Variants in CMTM8 observed in about 807,000 individuals in gnomAD.
The protein encoded by CMTM8 is CKLF-like MARVEL transmembrane domain-containing protein 8.
In CMTM8, 12 loss-of-function variants were observed where a neutral mutation model predicts 18.6. The ratio of observed to expected loss-of-function variants is 0.65; its 90% CI spans 0.41 to 1.05. CMTM8 has a LOEUF of 1.05. Ranked by LOEUF, CMTM8 falls within the 50% of genes least tolerant of loss-of-function variation. CMTM8 has a pLI of 0.00. For synonymous variants in CMTM8, 87 were observed against 90.6 expected (o/e 0.96, Z 0.23); for missense variants, 217 against 227.2 (o/e 0.95, Z 0.29).
intron 3 of CMTM8, among the ~76,000 whole-genome samples, chr3:32,368,898 G>A (rs1183885866): frequency 6.6e-6 from 1 of 152,154 alleles, no homozygotes; most frequent in African/African-American, 2.4e-5. Flanking sequence ...GAAGCCTATC[G>A]GGGGAAGGAG....
chr3:32,259,426 CT>C, intron 1 of CMTM8: 1 of 847,518 alleles, frequency 1.2e-6, no homozygotes, highest in Non-Finnish European at 2.1e-6. Context: ...CTGCTGATGA[CT>C]TTAGAGTCAA....
At chr3:32,304,285 A>G (rs1228426725) in intron 1 of CMTM8, among the ~76,000 whole-genome samples, 1 of 152,206 alleles carries the variant, frequency 6.6e-6, no homozygotes, top group Non-Finnish European at 1.5e-5. Context: ...CAGGGGGCTG[A>G]AAATGGGTGT....
intron 1 of CMTM8, among the ~76,000 whole-genome samples, chr3:32,307,390 G>A (rs1695735026): frequency 6.6e-6 from 1 of 152,178 alleles, no homozygotes; most frequent in Admixed American, 6.6e-5. Context: ...CTGACTGGAT[G>A]AGGGAAAAGC....
chr3:32,343,857 G>A (rs56324423), intron 1 of CMTM8, among the ~76,000 whole-genome samples: 6,841 of 152,218 alleles, frequency 0.045, 191 homozygotes, highest in Middle Eastern at 0.1. Context: ...GTGCCACCAC[G>A]CCTGGCTAAT....
intron 1 of CMTM8, among the ~76,000 whole-genome samples, chr3:32,313,324 A>G (rs920495720): frequency 3.9e-5 from 6 of 152,052 alleles, no homozygotes; most frequent in Admixed American, 2.6e-4. Flanking sequence ...ATTTCATGCT[A>G]TTTGCAGCAG....
At chr3:32,318,055 C>CAA (rs60403582) in intron 1 of CMTM8, among the ~76,000 whole-genome samples, 166 of 85,352 alleles carry the variant, frequency 1.9e-3, no homozygotes, top group East Asian at 3.4e-3. Flanking sequence ...AACTCTGTCT[C>CAA]AAAAAAAAAA....
chr3:32,258,577 AC>A (rs746600980), intron 1 of CMTM8, among the ~76,000 whole-genome samples: 1 of 152,000 alleles, frequency 6.6e-6, no homozygotes, highest in Non-Finnish European at 1.5e-5. Flanking sequence ...TGGCATGATC[AC>A]AGTTCACTAA....
intron 1 of CMTM8, among the ~76,000 whole-genome samples, chr3:32,315,067 A>G (rs1423730273): frequency 1.3e-5 from 2 of 151,738 alleles, no homozygotes; most frequent in Non-Finnish European, 2.9e-5. Context: ...GTGGTGAACT[A>G]AGTGCTGTGG....
At chr3:32,248,172 A>G (rs1264910469) in intron 1 of CMTM8, among the ~76,000 whole-genome samples, 1 of 152,242 alleles carries the variant, frequency 6.6e-6, no homozygotes, top group African/African-American at 2.4e-5. Flanking sequence ...GGTGCAGCTT[A>G]TAATGGATGC....
At chr3:32,280,327 C>A (rs765625196) in intron 1 of CMTM8, among the ~76,000 whole-genome samples, 21 of 152,156 alleles carry the variant, frequency 1.4e-4, no homozygotes, top group Non-Finnish European at 2.5e-4. Flanking sequence ...CACCCCCACC[C>A]ACTTTTTCTT....
At chr3:32,291,592 A>G (rs1469204141) in intron 1 of CMTM8, among the ~76,000 whole-genome samples, 12 of 152,244 alleles carry the variant, frequency 7.9e-5, no homozygotes, top group Admixed American at 7.2e-4. Flanking sequence ...ATAGCTAGAA[A>G]GTGAAGCAGG....
intron 1 of CMTM8, among the ~76,000 whole-genome samples, chr3:32,317,891 T>A (rs1002279756): frequency 1.3e-5 from 2 of 151,742 alleles, no homozygotes; most frequent in African/African-American, 4.8e-5. Flanking sequence ...CCGTCTCTAT[T>A]AAAAATATAA....
chr3:32,304,435 T>G (rs1204730605), intron 1 of CMTM8, among the ~76,000 whole-genome samples: 1 of 152,214 alleles, frequency 6.6e-6, no homozygotes, highest in Non-Finnish European at 1.5e-5. Flanking sequence ...ATAAAGGAAA[T>G]GTATTCCAGC....
intron 1 of CMTM8, among the ~76,000 whole-genome samples, chr3:32,313,868 T>C (rs1424111108): frequency 6.6e-6 from 1 of 152,032 alleles, no homozygotes; most frequent in Non-Finnish European, 1.5e-5. Flanking sequence ...CGTGGACACA[T>C]AGAAGGGTGA....
intron 1 of CMTM8, chr3:32,259,940 A>T: frequency 8.7e-7 from 1 of 1,145,936 alleles, no homozygotes. Context: ...CACCCTGCAG[A>T]TAGAGCAGCT....
chr3:32,240,279 A>C (rs947254916), intron 1 of CMTM8, among the ~76,000 whole-genome samples: 1 of 152,190 alleles, frequency 6.6e-6, no homozygotes, highest in African/African-American at 2.4e-5. Context: ...GTCATAATGC[A>C]CATAAGGTAT....
intron 1 of CMTM8, among the ~76,000 whole-genome samples, chr3:32,304,219 C>T (rs1287256390): frequency 6.6e-6 from 1 of 152,184 alleles, no homozygotes; most frequent in Non-Finnish European, 1.5e-5. Context: ...GTTACAGTAG[C>T]ATCTGCCAGG....
chr3:32,314,313 A>C (rs1407842609), intron 1 of CMTM8, among the ~76,000 whole-genome samples: 1 of 151,982 alleles, frequency 6.6e-6, no homozygotes, highest in Non-Finnish European at 1.5e-5. Context: ...GGGGTACCAG[A>C]GGATTTGCTG....
chr3:32,324,251 C>T (rs78214511), intron 1 of CMTM8, among the ~76,000 whole-genome samples: 27 of 151,530 alleles, frequency 1.8e-4, no homozygotes, highest in South Asian at 6.3e-4. Flanking sequence ...GTTGTGAAGT[C>T]GTATGCTTAT....
Sources: allele counts gnomAD v4.1 joint callset (sites outside exome capture counted in the v4.1 genomes callset), GRCh38; gene constraint gnomAD v4.1.1; transcripts MANE v1.5; gene names NCBI Gene and HGNC (gene_info 2026-07-23, HGNC 2026-07-21).